The following TMEM229B variants were observed in gnomAD, a reference collection of about 807,000 sequenced individuals.
TMEM229B encodes transmembrane protein 229B, also known as chromosome 14 open reading frame 83.
Under a neutral mutation model 13.7 loss-of-function variants are expected in TMEM229B, and 6 were observed. The ratio of observed to expected loss-of-function variants is 0.44; its 90% CI spans 0.24 to 0.86. The LOEUF is 0.86. Among genes scored for constraint, TMEM229B ranks in the 40% least tolerant of loss-of-function variants. The pLI, the probability that TMEM229B is intolerant of heterozygous loss-of-function variation, is 0.23. For missense variants in TMEM229B, 170 were observed against 236.0 expected, an observed-to-expected ratio of 0.72 and a Z score of 1.83; for synonymous variants, 107 against 102.1, an observed-to-expected ratio of 1.05 and a Z score of -0.29.
intron 2 of TMEM229B, among the ~76,000 whole-genome samples, chr14:67,480,524 A>AC (rs1472000151): frequency 6.6e-6 from 1 of 151,960 alleles, no homozygotes; most frequent in Non-Finnish European, 1.5e-5. Flanking sequence ...TTAACCTCCT[A>AC]CCCCCGGGCA....
At chr14:67,504,652 C>T (rs1370244216) in intron 1 of TMEM229B, among the ~76,000 whole-genome samples, 4 of 152,150 alleles carry the variant, frequency 2.6e-5, no homozygotes, top group Admixed American at 6.6e-5. Flanking sequence ...TTTGGGAGGC[C>T]GAGGTGGGTG....
intron 1 of TMEM229B, among the ~76,000 whole-genome samples, chr14:67,503,284 G>A (rs2032683810): frequency 1.3e-5 from 2 of 152,222 alleles, no homozygotes; most frequent in South Asian, 4.1e-4. Flanking sequence ...AGTTTGGGTA[G>A]GCAGCAAGGC....
In TMEM229B at chr14:67,504,573, T is replaced by A. The variant is rs377204980; in HGVS notation, c.-192+10513A>T. Among the ~76,000 whole-genome samples, 53 of 152,174 alleles carry A rather than the reference T, an allele frequency of 3.5e-4. 1 individual carries two copies. In the South Asian group the frequency reaches 0.011, roughly 31 times the overall value. ...TTTTGATGATACACATATAACAAGA[T>A]GTTAAATCAAAAAAATAAATAAAAA... On this transcript the variant is annotated intron_variant, in intron 1 of 2. Transcript: ENST00000357461.
upstream of TMEM229B, among the ~76,000 whole-genome samples, chr14:67,515,696 T>TG (rs1235174092): frequency 6.6e-6 from 1 of 152,184 alleles, no homozygotes; most frequent in Non-Finnish European, 1.5e-5. Context: ...CGCCTGCATT[T>TG]GAGTGTCTGT....
At chr14:67,480,374 C>T (rs940593353) in intron 2 of TMEM229B, among the ~76,000 whole-genome samples, 6 of 152,158 alleles carry the variant, frequency 3.9e-5, no homozygotes, top group African/African-American at 1.4e-4. Context: ...CCACAGACAT[C>T]CCGGGAGACT....
intron 1 of TMEM229B, among the ~76,000 whole-genome samples, chr14:67,529,200 G>C (rs1433574881): frequency 6.6e-6 from 1 of 151,994 alleles, no homozygotes; most frequent in Non-Finnish European, 1.5e-5. Flanking sequence ...TACAAACGAG[G>C]AACACCTTCC....
rs1469986309 is a variant in TMEM229B at position 67,471,893 on chromosome 14, T to A, written c.*1527A>T. On this transcript the variant is annotated 3_prime_UTR_variant, in exon 3 of 3. Transcript: ENST00000554480. ...TAATTTCTACCTAAGAGTCCTAGTG[T>A]GGTCAAGAAGAGACCATGTACCATG... The A allele has an allele frequency of 6.6e-6, 1 of 152,252 alleles. No individual in the cohort carries two copies. The highest frequency in any genetic ancestry group is 1.5e-5 in the Non-Finnish European group (1 of 68,068). 9.4% of individuals were successfully genotyped at this position (152,252 alleles called of 1,614,324 possible).
intron 1 of TMEM229B, among the ~76,000 whole-genome samples, chr14:67,523,504 G>T (rs2033320381): frequency 6.6e-6 from 1 of 152,220 alleles, no homozygotes; most frequent in Admixed American, 6.5e-5. Context: ...GCATTTGGAA[G>T]ATGAGAGCAA....
chr14:67,528,800 A>G (rs1056795925), intron 1 of TMEM229B, among the ~76,000 whole-genome samples: 6 of 152,168 alleles, frequency 3.9e-5, no homozygotes, highest in Non-Finnish European at 7.3e-5. Context: ...TCTGAGAAAA[A>G]TCACTCAAGG....
At chr14:67,527,257 C>T (rs1346543613) in intron 1 of TMEM229B, among the ~76,000 whole-genome samples, 1 of 152,206 alleles carries the variant, frequency 6.6e-6, no homozygotes, top group Admixed American at 6.5e-5. Context: ...TTAGCCATGA[C>T]ACTTGGTCTT....
chr14:67,477,424 C>T (rs961938039), intron 2 of TMEM229B, among the ~76,000 whole-genome samples: 1 of 152,160 alleles, frequency 6.6e-6, no homozygotes, highest in African/African-American at 2.4e-5. Flanking sequence ...CTCTTTCATT[C>T]CCCCAGGTCC....
intron 1 of TMEM229B, chr14:67,533,195 C>A (rs1309386929): frequency 1.3e-5 from 2 of 152,068 alleles, no homozygotes; most frequent in African/African-American, 4.8e-5. Context: ...CAAGGCTCGG[C>A]CGGGCTTTGT....
At chr14:67,502,195 G>T (rs1451311634) in intron 1 of TMEM229B, among the ~76,000 whole-genome samples, 1 of 151,964 alleles carries the variant, frequency 6.6e-6, no homozygotes, top group Non-Finnish European at 1.5e-5. Context: ...GCTGGGTATG[G>T]TGGCATGCGC....
At chr14:67,474,080 CG>C (rs917585050) in intron 2 of TMEM229B, 139 bp from the exon 3 acceptor site, 55 of 948,394 alleles carry the variant, frequency 5.8e-5, no homozygotes, top group Non-Finnish European at 7.6e-5. Flanking sequence ...GGTGAAACCC[CG>C]TCTCTACTAA....
intron 1 of TMEM229B, among the ~76,000 whole-genome samples, chr14:67,528,918 A>G (rs2033406493): frequency 6.6e-6 from 1 of 152,120 alleles, no homozygotes; most frequent in Non-Finnish European, 1.5e-5. Flanking sequence ...TCAGATCAGC[A>G]TTTTAAGACA....
chr14:67,504,706 G>A (rs1044862014), intron 1 of TMEM229B, among the ~76,000 whole-genome samples: 1 of 152,152 alleles, frequency 6.6e-6, no homozygotes, highest in Non-Finnish European at 1.5e-5. Flanking sequence ...CCAACTTGGT[G>A]AAACCCTGTC....
chr14:67,473,262 A>C lies in TMEM229B; in HGVS notation c.*158T>G, dbSNP rs2030891276. 3.0e-6 allele frequency: 3 copies of C among 994,896 alleles called. No individual in the cohort carries two copies. The highest frequency in any genetic ancestry group is 4.4e-6 in the Non-Finnish European group (3 of 686,180). 61.6% of individuals were successfully genotyped at this position (994,896 alleles called of 1,614,324 possible). On this transcript the variant is annotated 3_prime_UTR_variant, in exon 3 of 3. Transcript: ENST00000554480. This position sits in a 1 kb window ranked among gnomAD's most constrained non-coding sequence, Gnocchi z 6.5. ...CAACACCTGACCACGGCCCCCCAAC[A>C]CCGGCCCCCGCGGACGTTAGGGGGC...
chr14:67,521,292 G>A (rs2140270498), intron 1 of TMEM229B, among the ~76,000 whole-genome samples: 1 of 152,364 alleles, frequency 6.6e-6, no homozygotes, highest in South Asian at 2.1e-4. Flanking sequence ...AGGAATGAGT[G>A]CATTGTGACA....
upstream of TMEM229B, among the ~76,000 whole-genome samples, chr14:67,516,766 T>G (rs2033209408): frequency 6.6e-6 from 1 of 152,170 alleles, no homozygotes; most frequent in South Asian, 2.1e-4. Flanking sequence ...CCCATGTATA[T>G]CGTGTTCCTG....
Sources: allele counts gnomAD v4.1 joint callset (sites outside exome capture counted in the v4.1 genomes callset), GRCh38; gene constraint gnomAD v4.1.1; non-coding constraint Gnocchi (gnomAD v3.1); transcripts MANE v1.5; gene names NCBI Gene and HGNC (gene_info 2026-07-23, HGNC 2026-07-21).